Variants in PXN observed in about 807,000 individuals in gnomAD.
PXN encodes the protein testicular tissue protein Li 134.
A neutral mutation model predicts 103.6 loss-of-function variants in PXN; 61 were observed. That is an observed-to-expected ratio of 0.59 (90% CI 0.48 to 0.73). The LOEUF (loss-of-function observed/expected upper bound fraction) is 0.73, where lower values mean the gene tolerates loss of function less well. PXN is among the 30% of genes least tolerant of loss of function. The pLI is 0.00. For synonymous variants in PXN, 562 were observed against 607.8 expected (o/e 0.92, Z 1.11); for missense variants, 1,274 against 1,460.3 (o/e 0.87, Z 2.08).
intron 7 of PXN, among the ~76,000 whole-genome samples, chr12:120,218,602 C>T (rs1316375095): frequency 2.0e-5 from 3 of 152,110 alleles, no homozygotes; most frequent in South Asian, 2.1e-4. Context: ...CCTCGAACTC[C>T]CAACCTCAGG....
Position 120,213,957 on chromosome 12 carries a change from C to G in PXN, c.2864G>C (p.Arg955Pro), listed in dbSNP as rs372866217. 85 of 1,612,444 alleles carry G rather than the reference C, an allele frequency of 5.3e-5. 1 individual carries two copies. The Admixed American group carries it at 1.4e-3, about 26-fold the overall frequency. Residue 955 changes from arginine to proline, a missense_variant, in exon 14 of 15, where the codon CGC becomes CCC. Physicochemically the swap from Arg to Pro is moderately radical, Grantham distance 103. This residue lies in a region of PXN where 1,178 missense variants were observed against 1,309.0 expected (regional missense o/e 0.90). Coordinates refer to ENST00000637617, the MANE Select transcript of PXN (RefSeq NM_001385981.1). This position sits in a 1 kb window ranked among gnomAD's most constrained non-coding sequence, Gnocchi z 4.2. Reference protein sequence around the residue: ...FHEKDGKAYCRKDYFDMFAPK... With the variant: ...FHEKDGKAYCPKDYFDMFAPK... ...TGCGAACATGTCGAAGTAGTCCTTG[C>G]GACAGTAGGCCTTGCCGTCCTTCTC...
intron 7 of PXN, among the ~76,000 whole-genome samples, chr12:120,218,763 A>C (rs1219396776): frequency 6.6e-6 from 1 of 152,246 alleles, no homozygotes; most frequent in Admixed American, 6.5e-5. Flanking sequence ...TGTGTTCTAA[A>C]CACTTTCCAG....
Position 120,217,254 on chromosome 12 carries a change from C to T in PXN, c.1717-138G>A, listed in dbSNP as rs1224008765. The T allele has an allele frequency of 1.8e-5, 13 of 717,598 alleles. No individual in the cohort carries two copies. Among genetic ancestry groups the T allele is most frequent in the Middle Eastern group, 2.4e-4 (1 of 4,202 alleles). The allele number at this position is 717,598 out of a possible 1,614,324, so 44.5% of individuals were successfully genotyped here. A position where few individuals can be genotyped will look rare whatever the true frequency, so the allele number is the denominator to read the frequency against. ...AACCAAGCGGAGGTGGGTGGAGGCA[C>T]GGGGAGGGGGCAGATTGGACCGGTG... is the stretch of plus-strand genomic sequence containing the variant. On this transcript the variant is annotated intron_variant, in intron 7 of 14. Transcript: ENST00000637617. This position sits in a 1 kb window ranked among gnomAD's most constrained non-coding sequence, Gnocchi z 4.1.
chr12:120,265,539 C>T lies in PXN; in HGVS notation c.13+78G>A. On this transcript the variant is annotated intron_variant, in intron 1 of 14. Transcript: ENST00000637617. The surrounding 1 kb of genome is among the most constrained non-coding windows in gnomAD (Gnocchi z 5.7). Reference sequence around the variant, plus strand: ...CGCCGAGGGTGGGATCCCGCGGCCCCTGCCGCTCGCTGGCGCCCTCCTGGC... The same window carrying T: ...CGCCGAGGGTGGGATCCCGCGGCCCTTGCCGCTCGCTGGCGCCCTCCTGGC... 1 of 1,445,480 alleles carries T rather than the reference C, an allele frequency of 6.9e-7. No individual in the cohort carries two copies. The highest frequency in any genetic ancestry group is 9.1e-7 in the Non-Finnish European group (1 of 1,102,772). The allele number at this position is 1,445,480 out of a possible 1,614,324, so 89.5% of individuals were successfully genotyped here.
Position 120,221,563 on chromosome 12 carries a change from G to A in PXN, c.831+60C>T, listed in dbSNP as rs1341416121. The A allele has an allele frequency of 4.6e-6, 7 of 1,506,342 alleles. No homozygotes were observed. The African/African-American group carries it at 6.9e-5, about 15-fold the overall frequency. The allele number at this position is 1,506,342 out of a possible 1,614,324, so 93.3% of individuals were successfully genotyped here. A position where few individuals can be genotyped will look rare whatever the true frequency, so the allele number is the denominator to read the frequency against. On this transcript the variant is annotated intron_variant, in intron 6 of 14. Coordinates refer to ENST00000637617, the MANE Select transcript of PXN (RefSeq NM_001385981.1). This position sits in a 1 kb window ranked among gnomAD's most constrained non-coding sequence, Gnocchi z 6.6. ...GATCCAGCTACCCACACTGAGGTAA[G>A]GGAGGAGAAGGATGAGGGAGGGGCG...
At position 120,214,689 on chromosome 12, in the gene PXN, C is replaced by A. The variant is rs1881948084; in HGVS notation, c.2748+136G>T. The A allele has an allele frequency of 8.6e-7, 1 of 1,161,752 alleles. No homozygotes were observed. Among genetic ancestry groups the A allele is most frequent in the East Asian group, 2.5e-5 (1 of 40,186 alleles). 72.0% of individuals were successfully genotyped at this position (1,161,752 alleles called of 1,614,324 possible). Reference sequence around the variant, plus strand: ...GGTTCAGGTGTGGCTGTGAATCCGGCCCCACTGTTCCCTAGCCCTGTGAGC... The same window carrying A: ...GGTTCAGGTGTGGCTGTGAATCCGGACCCACTGTTCCCTAGCCCTGTGAGC... On this transcript the variant is annotated intron_variant, in intron 12 of 14. Coordinates refer to ENST00000637617, the MANE Select transcript of PXN (RefSeq NM_001385981.1). The surrounding 1 kb of genome is among the most constrained non-coding windows in gnomAD (Gnocchi z 5.0).
chr12:120,263,005 C>T (rs571379029), intron 1 of PXN, among the ~76,000 whole-genome samples: 1 of 152,256 alleles, frequency 6.6e-6, no homozygotes, highest in South Asian at 2.1e-4. Flanking sequence ...AAGAGTTCCC[C>T]ATTTTTTATT....
rs910112849 is a variant in PXN, at chr12:120,260,470, T to A, written c.13+5147A>T. ...GTGAGCCGAGATCATGCCATTGCCC[T>A]CCAGCCTGGGCAATAAGAGTGAAAC... is the stretch of plus-strand genomic sequence containing the variant. On this transcript the variant is annotated intron_variant, in intron 1 of 14. Transcript: ENST00000637617. 1.5e-5 allele frequency among the ~76,000 whole-genome samples: 2 copies of A among 136,142 alleles called. 1 individual carries two copies. The highest frequency in any genetic ancestry group is 1.5e-4 in the Admixed American group (2 of 12,928). The allele number at this position is 136,142 out of a possible 152,430, so 89.3% of individuals were successfully genotyped here. A position where few individuals can be genotyped will look rare whatever the true frequency, so the allele number is the denominator to read the frequency against.
Position 120,265,570 on chromosome 12 carries a change from G to T in PXN, c.13+47C>A. 6.8e-7 allele frequency: 1 copy of T among 1,478,584 alleles called. No homozygotes were observed. Among genetic ancestry groups the T allele is most frequent in the Non-Finnish European group, 8.9e-7 (1 of 1,120,132 alleles). 91.6% of individuals were successfully genotyped at this position (1,478,584 alleles called of 1,614,324 possible). On this transcript the variant is annotated intron_variant, in intron 1 of 14. Coordinates refer to ENST00000637617, the MANE Select transcript of PXN (RefSeq NM_001385981.1). This position sits in a 1 kb window ranked among gnomAD's most constrained non-coding sequence, Gnocchi z 5.7. The stretch of plus-strand genomic sequence containing the variant: ...CTCGCTGGCGCCCTCCTGGCCCCAA[G>T]CTGCGCGCCTCTCGCCTCCTCCTCC...
At chr12:120,218,042 ATT>A (rs1167466002) in intron 7 of PXN, among the ~76,000 whole-genome samples, 157 of 99,194 alleles carry the variant, frequency 1.6e-3, no homozygotes, top group African/African-American at 4.1e-3. Flanking sequence ...AGCTTGGGGG[ATT>A]TTTTTTTTTT....
At chr12:120,218,552 C>T (rs897875242) in intron 7 of PXN, among the ~76,000 whole-genome samples, 98 of 152,070 alleles carry the variant, frequency 6.4e-4, no homozygotes, top group African/African-American at 2.3e-3. Flanking sequence ...CTTTTTGTAT[C>T]TTTAGTAGAG....
At chr12:120,248,061 T>C (rs1891470349) in intron 1 of PXN, among the ~76,000 whole-genome samples, 1 of 152,110 alleles carries the variant, frequency 6.6e-6, no homozygotes, top group Admixed American at 6.5e-5. Flanking sequence ...ACAATCCTAG[T>C]TGGAAACTGG....
intron 1 of PXN, among the ~76,000 whole-genome samples, chr12:120,236,091 G>C (rs1429045010): frequency 6.6e-6 from 1 of 152,154 alleles, no homozygotes; most frequent in East Asian, 1.9e-4. Flanking sequence ...TTCCCACTGA[G>C]CAAAAAAGTA....
rs1286001544 is a variant in PXN at position 120,265,132 on chromosome 12, A to G, written c.13+485T>C. 6.7e-6 allele frequency among the ~76,000 whole-genome samples: 1 copy of G among 148,528 alleles called. No homozygotes were observed. Among genetic ancestry groups the G allele is most frequent in the East Asian group, 2.0e-4 (1 of 4,968 alleles). ...TGAAGTGGGGGGCGGCCCTGGAGGGACGGGGAGCAGGTCGAGGAAATGAGG... is the reference window on the plus strand; with the variant it reads ...TGAAGTGGGGGGCGGCCCTGGAGGGGCGGGGAGCAGGTCGAGGAAATGAGG... On this transcript the variant is annotated intron_variant, in intron 1 of 14. Coordinates refer to ENST00000637617, the MANE Select transcript of PXN (RefSeq NM_001385981.1). The surrounding 1 kb of genome is among the most constrained non-coding windows in gnomAD (Gnocchi z 5.7).
At chr12:120,250,918 A>G (rs1892053087) in intron 1 of PXN, among the ~76,000 whole-genome samples, 1 of 152,228 alleles carries the variant, frequency 6.6e-6, no homozygotes, top group African/African-American at 2.4e-5. Context: ...AAATTCGAAG[A>G]GTGGGCCAGG....
At chr12:120,226,761 T>C (rs1437983563) in intron 1 of PXN, 4 of 1,074,244 alleles carry the variant, frequency 3.7e-6, no homozygotes, top group South Asian at 5.1e-5. Flanking sequence ...AGCTCCCCTC[T>C]CTACCATCCA....
In PXN at chr12:120,216,817, C is replaced by T. The variant is rs776677608; in HGVS notation, c.1992+24G>A. ...CAGGTGCTTGGCTCTGGCCCAGCCC[C>T]AGCCATGGGCATCTCCTCGCCACCT... On this transcript the variant is annotated intron_variant, in intron 8 of 14. Transcript: ENST00000637617. The surrounding 1 kb of genome is among the most constrained non-coding windows in gnomAD (Gnocchi z 5.1). 3 of 1,553,722 alleles carry T rather than the reference C, an allele frequency of 1.9e-6. No homozygotes were observed. The highest frequency in any genetic ancestry group is 2.3e-5 in the South Asian group (2 of 85,108).
Position 120,215,335 on chromosome 12 carries a change from C to G in PXN, c.2404-62G>C, listed in dbSNP as rs1172480445. 6.5e-7 allele frequency: 1 copy of G among 1,533,452 alleles called. No individual in the cohort carries two copies. Among genetic ancestry groups the G allele is most frequent in the African/African-American group, 1.4e-5 (1 of 72,872 alleles). 95.0% of individuals were successfully genotyped at this position (1,533,452 alleles called of 1,614,324 possible). Reference sequence around the variant, plus strand: ...GCTCGGGGTACGGTGTCTGGCAGCACAGGGATGGGGGTACTTTTCTCCCTC... The same window carrying G: ...GCTCGGGGTACGGTGTCTGGCAGCAGAGGGATGGGGGTACTTTTCTCCCTC... On this transcript the variant is annotated intron_variant, in intron 10 of 14. Coordinates refer to ENST00000637617, the MANE Select transcript of PXN (RefSeq NM_001385981.1). The surrounding 1 kb of genome is among the most constrained non-coding windows in gnomAD (Gnocchi z 4.9).
Position 120,222,475 on chromosome 12 carries a change from A to C in PXN, c.695+74T>G. 6.9e-7 allele frequency: 1 copy of C among 1,449,430 alleles called. No homozygotes were observed. Among genetic ancestry groups the C allele is most frequent in the Non-Finnish European group, 9.3e-7 (1 of 1,077,988 alleles). 89.8% of individuals were successfully genotyped at this position (1,449,430 alleles called of 1,614,324 possible). On this transcript the variant is annotated intron_variant, in intron 5 of 14. Coordinates refer to ENST00000637617, the MANE Select transcript of PXN (RefSeq NM_001385981.1). This position sits in a 1 kb window ranked among gnomAD's most constrained non-coding sequence, Gnocchi z 4.7. Reference sequence around the variant, plus strand: ...GAGGGAGTGGGTGATACCAGGGCTAAGGGGACAGACACTGGACCCGGGGCA... The same window carrying C: ...GAGGGAGTGGGTGATACCAGGGCTACGGGGACAGACACTGGACCCGGGGCA...
Sources: gnomAD v4.1 joint callset for allele counts (sites outside exome capture counted in the v4.1 genomes callset) on GRCh38, gnomAD v4.1.1 for gene constraint, gnomAD v4.1.1 regional missense constraint, Gnocchi (gnomAD v3.1) non-coding constraint, MANE v1.5 for transcripts, NCBI Gene and HGNC (gene_info 2026-07-23, HGNC 2026-07-21) for gene names.